The following HDAC9 variants were observed in gnomAD, a reference collection of about 807,000 sequenced individuals.
The protein encoded by HDAC9 is histone deacetylase 9.
A neutral mutation model predicts 139.4 loss-of-function variants in HDAC9; 41 were observed. The observed-to-expected ratio is 0.29, with a 90% CI of 0.23 to 0.38. HDAC9 has a LOEUF of 0.38. Ranked by LOEUF, HDAC9 falls within the 10% of genes least tolerant of loss-of-function variation. The pLI is 1.00. For synonymous variants in HDAC9, 517 were observed against 476.2 expected (o/e 1.09, Z -1.12); for missense variants, 1,147 against 1,297.0 (o/e 0.88, Z 1.78).
chr7:18,381,824 C>T (rs567611320), intron 1 of HDAC9, among the ~76,000 whole-genome samples: 4 of 151,998 alleles, frequency 2.6e-5, no homozygotes, highest in African/African-American at 4.8e-5. Flanking sequence ...GTATATTTAA[C>T]GTTACAAAAT....
intron 21 of HDAC9, among the ~76,000 whole-genome samples, chr7:18,854,759 C>G (rs1344073205): frequency 1.3e-5 from 2 of 151,656 alleles, no homozygotes; most frequent in Non-Finnish European, 2.9e-5. Flanking sequence ...GAGTAAGGAG[C>G]CACTACAGCA....
At chr7:18,747,201 G>C (rs1027873971) in intron 13 of HDAC9, among the ~76,000 whole-genome samples, 1 of 152,166 alleles carries the variant, frequency 6.6e-6, no homozygotes, top group Admixed American at 6.5e-5. Flanking sequence ...TATGTATGCT[G>C]GCCTGGAGGA....
At chr7:18,900,697 T>C (rs1801623502) in intron 22 of HDAC9, among the ~76,000 whole-genome samples, 2 of 152,110 alleles carry the variant, frequency 1.3e-5, no homozygotes, top group African/African-American at 4.8e-5. Flanking sequence ...CTGCCCACCA[T>C]AAAAACATAA....
chr7:18,566,109 C>A (rs1483008966), intron 2 of HDAC9, among the ~76,000 whole-genome samples: 2 of 151,994 alleles, frequency 1.3e-5, no homozygotes, highest in Non-Finnish European at 2.9e-5. Context: ...TGCATTCCAC[C>A]CCCTTAAGAA....
At chr7:18,714,431 T>C (rs1054493374) in intron 12 of HDAC9, among the ~76,000 whole-genome samples, 1 of 152,072 alleles carries the variant, frequency 6.6e-6, no homozygotes, top group Non-Finnish European at 1.5e-5. Flanking sequence ...TTAGATAGGG[T>C]GCAAGTACTG....
chr7:18,228,557 C>T (rs1210830037), intron 2 of HDAC9, among the ~76,000 whole-genome samples: 1 of 152,110 alleles, frequency 6.6e-6, no homozygotes, highest in Non-Finnish European at 1.5e-5. Context: ...CTCATCCAGG[C>T]CATGGGGTGA....
In HDAC9 at chr7:18,451,399, G is replaced by A. The variant is rs991738685; in HGVS notation, c.-41-44863G>A. On this transcript the variant is annotated intron_variant, in intron 1 of 3. Coordinates refer to the HDAC9 transcript ENST00000413509. ...TGTGTGTGTGTGTGTGTGTGTGTGT[G>A]TGTATATATGTGTGTGTGTGTGTAT... is the stretch of plus-strand genomic sequence containing the variant. 8.9e-3 allele frequency among the ~76,000 whole-genome samples: 1,158 copies of A among 130,742 alleles called. 14 individuals are homozygous for A. Among genetic ancestry groups the A allele is most frequent in the African/African-American group, 0.031 (1,089 of 35,444 alleles). The allele number at this position is 130,742 out of a possible 152,430, so 85.8% of individuals were successfully genotyped here.
At chr7:18,332,396 A>T (rs1037126358) in intron 1 of HDAC9, among the ~76,000 whole-genome samples, 7 of 147,502 alleles carry the variant, frequency 4.7e-5, no homozygotes, top group African/African-American at 1.8e-4. Flanking sequence ...TGTGTGTGAG[A>T]GAGAGAGAGA....
Position 18,495,917 on chromosome 7 carries a change from A to G in HDAC9, c.-148A>G. ...AATTTTCTACGTATTCTGACAAAGAAATAACCCCGAAGCACGTTCCTATTT... is the reference window on the plus strand; with the variant it reads ...AATTTTCTACGTATTCTGACAAAGAGATAACCCCGAAGCACGTTCCTATTT... On this transcript the variant is annotated 5_prime_UTR_variant, in exon 1 of 26. Coordinates refer to ENST00000686413, the MANE Select transcript of HDAC9 (RefSeq NM_178425.4). The G allele has an allele frequency of 8.2e-7, 1 of 1,216,842 alleles. No homozygotes were observed. The highest frequency in any genetic ancestry group is 4.2e-5 in the Admixed American group (1 of 24,026). The allele number at this position is 1,216,842 out of a possible 1,614,324, so 75.4% of individuals were successfully genotyped here. A position where few individuals can be genotyped will look rare whatever the true frequency, so the allele number is the denominator to read the frequency against.
At chr7:18,440,631 T>C (rs1771313623) in intron 1 of HDAC9, among the ~76,000 whole-genome samples, 1 of 152,202 alleles carries the variant, frequency 6.6e-6, no homozygotes, top group Admixed American at 6.5e-5. Flanking sequence ...CTATTTCTGA[T>C]ATTATTTTAT....
intron 2 of HDAC9, among the ~76,000 whole-genome samples, chr7:18,180,220 GACACATAC>G (rs1274127239): frequency 0.024 from 2,189 of 91,094 alleles, 47 homozygotes; most frequent in Middle Eastern, 0.087. Context: ...CCCTCCCCAA[GACACATAC>G]ACACACACAC....
intron 3 of HDAC9, among the ~76,000 whole-genome samples, chr7:18,587,161 A>G (rs1829706784): frequency 6.6e-6 from 1 of 152,158 alleles, no homozygotes; most frequent in Admixed American, 6.5e-5. Flanking sequence ...TAAAGTTAAT[A>G]TAAATTGTTT....
At chr7:18,362,131 G>C (rs1430656607) in intron 1 of HDAC9, among the ~76,000 whole-genome samples, 2 of 152,116 alleles carry the variant, frequency 1.3e-5, no homozygotes, top group African/African-American at 4.8e-5. Context: ...ATTGTTTCTG[G>C]GAGAACAGAA....
intron 21 of HDAC9, among the ~76,000 whole-genome samples, chr7:18,862,934 AT>A (rs1317654541): frequency 6.6e-6 from 1 of 152,118 alleles, no homozygotes; most frequent in Non-Finnish European, 1.5e-5. Flanking sequence ...TTTGAGCCCA[AT>A]TTTTTCCTTT....
At chr7:18,363,927 G>T (rs1783979622) in intron 1 of HDAC9, among the ~76,000 whole-genome samples, 1 of 152,070 alleles carries the variant, frequency 6.6e-6, no homozygotes, top group Non-Finnish European at 1.5e-5. Context: ...ATATTTTTCA[G>T]GGTCTAACTT....
intron 1 of HDAC9, among the ~76,000 whole-genome samples, chr7:18,436,242 T>A (rs1389815830): frequency 2.6e-5 from 4 of 152,142 alleles, no homozygotes; most frequent in African/African-American, 9.7e-5. Flanking sequence ...TTGTCTAAAG[T>A]TTGATTAAGA....
chr7:18,861,406 G>T (rs944636765), intron 21 of HDAC9, among the ~76,000 whole-genome samples: 1 of 152,112 alleles, frequency 6.6e-6, no homozygotes. Context: ...AATTAGATAA[G>T]AATCAGTTTA....
At chr7:18,193,111 A>G (rs1000492726) in intron 2 of HDAC9, among the ~76,000 whole-genome samples, 15 of 152,184 alleles carry the variant, frequency 9.9e-5, no homozygotes, top group Admixed American at 4.6e-4. Context: ...AATTGGATCA[A>G]AGATGCTGAT....
At chr7:18,618,062 T>C (rs182584243) in intron 6 of HDAC9, among the ~76,000 whole-genome samples, 36 of 152,280 alleles carry the variant, frequency 2.4e-4, no homozygotes, top group Non-Finnish European at 2.9e-5. Flanking sequence ...TAGAGGATGA[T>C]TTTGCAATTT....
Sources: allele counts gnomAD v4.1 joint callset (sites outside exome capture counted in the v4.1 genomes callset), GRCh38; gene constraint gnomAD v4.1.1; transcripts MANE v1.5; gene names NCBI Gene and HGNC (gene_info 2026-07-23, HGNC 2026-07-21).